Variants in PPA2 observed in about 807,000 individuals in gnomAD.
PPA2 encodes inorganic pyrophosphatase 2, mitochondrial.
Under a neutral mutation model 49.5 loss-of-function variants are expected in PPA2, and 48 were observed. That is an observed-to-expected ratio of 0.97 (90% CI 0.77 to 1.23). The LOEUF (loss-of-function observed/expected upper bound fraction) is 1.23. Among genes scored for constraint, PPA2 ranks in the 50% most tolerant of loss-of-function variants. The pLI, the probability that PPA2 is intolerant of heterozygous loss-of-function variation, is 0.00. For synonymous variants in PPA2, 131 were observed against 139.9 expected (o/e 0.94, Z 0.45); for missense variants, 429 against 410.1 (o/e 1.05, Z -0.40).
chr4:105,414,416 G>T (rs1722906942), intron 7 of PPA2, among the ~76,000 whole-genome samples: 1 of 152,194 alleles, frequency 6.6e-6, no homozygotes, highest in Non-Finnish European at 1.5e-5. Flanking sequence ...CTGGCAGGCT[G>T]CGCTCCGCTC....
chr4:105,383,891 C>CAATT (rs1733587967), intron 10 of PPA2, among the ~76,000 whole-genome samples: 1 of 48,890 alleles, frequency 2.0e-5, no homozygotes, highest in Non-Finnish European at 3.9e-5. Context: ...TTATTCTAAG[C>CAATT]AATTAAAGGA....
chr4:105,473,493 T>C (rs1160059352), intron 1 of PPA2: 2 of 425,390 alleles, frequency 4.7e-6, no homozygotes, highest in Admixed American at 2.9e-5. Context: ...GGCCGGCGTG[T>C]GGGCGGGCTC....
At chr4:105,472,892 A>C (rs1050486667) in intron 1 of PPA2, among the ~76,000 whole-genome samples, 5 of 152,242 alleles carry the variant, frequency 3.3e-5, no homozygotes, top group Admixed American at 3.3e-4. Flanking sequence ...ATATAATGTC[A>C]TGTAATACTT....
intron 5 of PPA2, among the ~76,000 whole-genome samples, chr4:105,440,172 A>G (rs1369301758): frequency 2.6e-5 from 4 of 152,100 alleles, no homozygotes; most frequent in Non-Finnish European, 5.9e-5. Flanking sequence ...CTAAAGGAAA[A>G]CATCTAGATT....
At chr4:105,413,858 T>G (rs1722875670) in intron 7 of PPA2, among the ~76,000 whole-genome samples, 1 of 152,174 alleles carries the variant, frequency 6.6e-6, no homozygotes, top group Non-Finnish European at 1.5e-5. Context: ...AACACTAAAG[T>G]GATGTATTAA....
intron 9 of PPA2, among the ~76,000 whole-genome samples, chr4:105,392,888 C>T (rs1733981465): frequency 6.6e-6 from 1 of 151,924 alleles, no homozygotes; most frequent in African/African-American, 2.4e-5. Context: ...GACAAAAATC[C>T]ACAGAAGACA....
Position 105,474,001 on chromosome 4 carries a change from C to G in PPA2, c.50G>C (p.Cys17Ser). The G allele has an allele frequency of 6.2e-7, 1 of 1,606,214 alleles. No homozygotes were observed. Among genetic ancestry groups the G allele is most frequent in the Non-Finnish European group, 8.5e-7 (1 of 1,176,774 alleles). The change falls in exon 1 of 12, where the codon TGC becomes TCC. Residue 17 changes from cysteine (C) to serine (S), a missense_variant. Coordinates refer to ENST00000341695, the MANE Select transcript of PPA2 (RefSeq NM_176869.3). Reference sequence around the variant, plus strand: ...CCCTGCACTGGTCCCCAACCGCAGGCACGCAGCGGCTGGGGCACCCGTGCG... The same window carrying G: ...CCCTGCACTGGTCCCCAACCGCAGGGACGCAGCGGCTGGGGCACCCGTGCG... ...LLRTGAPAAA[C>S]LRLGTSAGTG...
intron 4 of PPA2, 29 bp downstream of exon 4, chr4:105,449,321 G>C (rs200612069): frequency 1.4e-6 from 2 of 1,386,270 alleles, no homozygotes; most frequent in South Asian, 2.6e-5. Flanking sequence ...TAATCATTTC[G>C]GTTTCATATT....
At chr4:105,434,925 T>C (rs1723979057) in intron 6 of PPA2, among the ~76,000 whole-genome samples, 1 of 152,230 alleles carries the variant, frequency 6.6e-6, no homozygotes, top group Non-Finnish European at 1.5e-5. Flanking sequence ...ATGGTAGAAT[T>C]CTTACAAAAC....
intron 2 of PPA2, chr4:105,456,435 T>C (rs1173314095): frequency 2.2e-6 from 1 of 464,780 alleles, no homozygotes; most frequent in East Asian, 4.2e-5. Context: ...CCCTTAAATC[T>C]TTATTTCCTA....
intron 6 of PPA2, among the ~76,000 whole-genome samples, chr4:105,435,740 G>A (rs574338255): frequency 5.3e-4 from 81 of 152,182 alleles, no homozygotes; most frequent in Admixed American, 8.5e-4. Flanking sequence ...GAAAAAGCAC[G>A]TGATAAAATT....
intron 1 of PPA2, among the ~76,000 whole-genome samples, chr4:105,459,750 T>C (rs912220636): frequency 6.6e-6 from 1 of 152,236 alleles, no homozygotes; most frequent in Non-Finnish European, 1.5e-5. Context: ...TAAAAAGGAA[T>C]GCACTATTGA....
At chr4:105,388,000 T>C (rs1733752096) in intron 9 of PPA2, among the ~76,000 whole-genome samples, 1 of 134,244 alleles carries the variant, frequency 7.4e-6, no homozygotes, top group Non-Finnish European at 1.5e-5. Context: ...CTTTTAACAT[T>C]ATAACTAAAC....
At chr4:105,433,878 C>G (rs1723928560) in intron 6 of PPA2, among the ~76,000 whole-genome samples, 1 of 152,186 alleles carries the variant, frequency 6.6e-6, no homozygotes, top group Non-Finnish European at 1.5e-5. Context: ...GAATATACAT[C>G]AAAACTAAAG....
At chr4:105,464,461 T>C (rs949147813) in intron 1 of PPA2, among the ~76,000 whole-genome samples, 31 of 152,316 alleles carry the variant, frequency 2.0e-4, no homozygotes, top group African/African-American at 7.2e-4. Flanking sequence ...TGAGTTAATG[T>C]TGAAATGAGT....
intron 9 of PPA2, among the ~76,000 whole-genome samples, chr4:105,389,960 G>C (rs935460542): frequency 6.6e-6 from 1 of 152,118 alleles, no homozygotes; most frequent in African/African-American, 2.4e-5. Flanking sequence ...CAGATTACTG[G>C]TGCCAAAACA....
intron 7 of PPA2, chr4:105,423,127 T>C (rs992098054): frequency 6.6e-6 from 1 of 152,162 alleles, no homozygotes; most frequent in Non-Finnish European, 1.5e-5. Context: ...ATATATATGG[T>C]TTATAGACTT....
At chr4:105,471,470 T>G (rs2110336791) in intron 1 of PPA2, among the ~76,000 whole-genome samples, 1 of 152,338 alleles carries the variant, frequency 6.6e-6, no homozygotes, top group Middle Eastern at 3.4e-3. Flanking sequence ...CCCAATGCAC[T>G]AGTATTTCAG....
At chr4:105,372,922 T>C (rs1004353710) in intron 10 of PPA2, among the ~76,000 whole-genome samples, 4 of 152,224 alleles carry the variant, frequency 2.6e-5, no homozygotes, top group African/African-American at 9.6e-5. Flanking sequence ...AGAAAAAAGC[T>C]GAACAAACAG....
Sources: allele counts gnomAD v4.1 joint callset (sites outside exome capture counted in the v4.1 genomes callset), GRCh38; gene constraint gnomAD v4.1.1; transcripts MANE v1.5; gene names NCBI Gene and HGNC (gene_info 2026-07-23, HGNC 2026-07-21).